TRAT1: variants seen among roughly 807,000 people sequenced by gnomAD.
TRAT1 encodes T-cell receptor-associated transmembrane adapter 1.
TRAT1 carries 20 observed loss-of-function variants against 20.0 expected under a neutral mutation model. That is an observed-to-expected ratio of 1.00 (90% CI 0.70 to 1.45). The LOEUF is 1.45. TRAT1 is among the 40% of genes most tolerant of loss of function. The pLI is 0.00. For missense variants in TRAT1, 237 were observed against 224.1 expected, an observed-to-expected ratio of 1.06 and a Z score of -0.37; for synonymous variants, 77 against 74.2, an observed-to-expected ratio of 1.04 and a Z score of -0.20.
intron 3 of TRAT1, among the ~76,000 whole-genome samples, chr3:108,840,212 A>G (rs980919213): frequency 4.6e-5 from 7 of 152,176 alleles, no homozygotes; most frequent in Non-Finnish European, 1.0e-4. Flanking sequence ...GACTACTCTT[A>G]ACATTGAATT....
At chr3:108,838,403 T>C (rs565406970) in intron 2 of TRAT1, among the ~76,000 whole-genome samples, 13 of 148,872 alleles carry the variant, frequency 8.7e-5, no homozygotes, top group Middle Eastern at 3.5e-3. Flanking sequence ...GATAGATAGA[T>C]AGAGATTGAT....
chr3:108,827,048 T>C (rs1945746339), intron 1 of TRAT1, among the ~76,000 whole-genome samples: 1 of 152,180 alleles, frequency 6.6e-6, no homozygotes, highest in South Asian at 2.1e-4. Context: ...CCCTGGTAGT[T>C]GGAAGCTGGA....
chr3:108,850,481 T>C (rs2107516307), intron 5 of TRAT1, among the ~76,000 whole-genome samples: 1 of 152,132 alleles, frequency 6.6e-6, no homozygotes, highest in South Asian at 2.1e-4. Flanking sequence ...ATTTTTGTAT[T>C]TTTAGTAGAG....
intron 3 of TRAT1, among the ~76,000 whole-genome samples, chr3:108,844,588 T>C (rs983483381): frequency 2.0e-5 from 3 of 151,678 alleles, no homozygotes; most frequent in Admixed American, 2.0e-4. Flanking sequence ...CTCACGCCTA[T>C]AATCCCAGCA....
rs984536079 is a variant in TRAT1, at chr3:108,854,147, A to G, written c.*270A>G. ...CACCTCGGCAGCACATATACTAAAAATTAATAAGACCCAGCTTGAAAATTG... is the reference window on the plus strand; with the variant it reads ...CACCTCGGCAGCACATATACTAAAAGTTAATAAGACCCAGCTTGAAAATTG... On this transcript the variant is annotated 3_prime_UTR_variant, in exon 6 of 6. Transcript: ENST00000295756. The G allele has an allele frequency of 1.7e-4, 50 of 298,782 alleles. 1 individual carries two copies. The South Asian group carries it at 2.9e-3, about 18-fold the overall frequency. 18.5% of individuals were successfully genotyped at this position (298,782 alleles called of 1,614,324 possible).
chr3:108,836,571 A>G (rs917154136), intron 2 of TRAT1, among the ~76,000 whole-genome samples: 4 of 152,228 alleles, frequency 2.6e-5, no homozygotes, highest in Non-Finnish European at 5.9e-5. Flanking sequence ...GTTTTCAACT[A>G]ACTCGTTCAT....
At chr3:108,851,045 T>G (rs1401850187) in intron 5 of TRAT1, among the ~76,000 whole-genome samples, 1 of 152,236 alleles carries the variant, frequency 6.6e-6, no homozygotes, top group African/African-American at 2.4e-5. Flanking sequence ...AAATTTAGTT[T>G]CACAAATTAG....
chr3:108,849,324 T>A, intron 5 of TRAT1, 70 bp downstream of exon 5: 1 of 1,296,162 alleles, frequency 7.7e-7, no homozygotes. Flanking sequence ...ATGATACACA[T>A]CTGAAATAGC....
chr3:108,838,813 G>C (rs947042271), intron 2 of TRAT1, 121 bp from the exon 3 acceptor site: 2 of 781,974 alleles, frequency 2.6e-6, no homozygotes, highest in Non-Finnish European at 4.5e-6. Context: ...GGTGCCCTGA[G>C]AGCCTTGGTC....
chr3:108,853,617 T>C lies in TRAT1; in HGVS notation c.304-3T>C. 3 of 1,610,644 alleles carry C rather than the reference T, an allele frequency of 1.9e-6. No individual in the cohort carries two copies. Among genetic ancestry groups the C allele is most frequent in the Non-Finnish European group, 2.5e-6 (3 of 1,177,818 alleles). On this transcript the variant is annotated splice_polypyrimidine_tract_variant and splice_region_variant and intron_variant, in intron 5 of 5. Coordinates refer to ENST00000295756, the MANE Select transcript of TRAT1 (RefSeq NM_016388.4). ...ATGAAAAATTAACATCCCTTTCTTT[T>C]AGGCAACCAATGAAACACAGATGTG...
chr3:108,854,505 T>C lies in TRAT1; in HGVS notation c.*628T>C, dbSNP rs966159980. 1.3e-5 allele frequency: 2 copies of C among 152,122 alleles called. No individual in the cohort carries two copies. The highest frequency in any genetic ancestry group is 2.9e-5 in the Non-Finnish European group (2 of 68,012). 9.4% of individuals were successfully genotyped at this position (152,122 alleles called of 1,614,324 possible). A position where few individuals can be genotyped will look rare whatever the true frequency, so the allele number is the denominator to read the frequency against. ...ATCAAAAAGAGTTTAGGAATTCTAC[T>C]AGCCAGAGATAGTCACTTGGAGAAA... On this transcript the variant is annotated 3_prime_UTR_variant, in exon 6 of 6. Coordinates refer to ENST00000295756, the MANE Select transcript of TRAT1 (RefSeq NM_016388.4).
At chr3:108,823,873 TTTTG>T (rs1356116596) in intron 1 of TRAT1, among the ~76,000 whole-genome samples, 1 of 152,120 alleles carries the variant, frequency 6.6e-6, no homozygotes, top group African/African-American at 2.4e-5. Flanking sequence ...ATACAGTTTT[TTTTG>T]TTTGTTTTTT....
rs1450174689 is a variant in TRAT1, at chr3:108,853,812, A to G, written c.496A>G (p.Asn166Asp). Reference sequence around the variant, plus strand: ...CCCAGAAAGCCAGGCAGTAGAGGAAAACATTCATGATGATCCCATCAGACT... The same window carrying G: ...CCCAGAAAGCCAGGCAGTAGAGGAAGACATTCATGATGATCCCATCAGACT... ...FSPESQAVEE[N>D]IHDDPIRLFG... The change falls in exon 6 of 6, where the codon AAC (asparagine) becomes GAC (aspartate). Residue 166 changes from asparagine (N) to aspartate (D), a missense_variant. Transcript: ENST00000295756. The G allele has an allele frequency of 6.2e-7, 1 of 1,614,154 alleles. No individual in the cohort carries two copies. Among genetic ancestry groups the G allele is most frequent in the South Asian group, 1.1e-5 (1 of 91,086 alleles).
Position 108,829,000 on chromosome 3 carries a change from C to T in TRAT1, c.8-1670C>T, listed in dbSNP as rs1317321880. Among the ~76,000 whole-genome samples, 6 of 152,168 alleles carry T rather than the reference C, an allele frequency of 3.9e-5. No homozygotes were observed. The East Asian group carries it at 1.2e-3, about 29-fold the overall frequency. ...AATCTTTCTGAAATCAACTTCTCAT[C>T]CCTTCAGCATCTGATGAGTGAATGA... is the stretch of plus-strand genomic sequence containing the variant. On this transcript the variant is annotated intron_variant, in intron 1 of 5. Coordinates refer to ENST00000295756, the MANE Select transcript of TRAT1 (RefSeq NM_016388.4).
chr3:108,841,429 A>G (rs1221082686), intron 3 of TRAT1, among the ~76,000 whole-genome samples: 1 of 152,194 alleles, frequency 6.6e-6, no homozygotes, highest in Non-Finnish European at 1.5e-5. Flanking sequence ...CAAACAAACC[A>G]GTAAGCGAAC....
In TRAT1 at chr3:108,838,967, G is replaced by C; in HGVS notation, c.152G>C (p.Arg51Thr). 6.2e-7 allele frequency: 1 copy of C among 1,603,420 alleles called. No individual in the cohort carries two copies. The highest frequency in any genetic ancestry group is 8.5e-7 in the Non-Finnish European group (1 of 1,170,354). Residue 51 changes from arginine (R) to threonine (T), a missense_variant and splice_region_variant, in exon 3 of 6, where the codon AGG becomes ACG. Coordinates refer to ENST00000295756, the MANE Select transcript of TRAT1 (RefSeq NM_016388.4). Reference sequence around the variant, plus strand: ...TACAGCTACTCCAGTGACCACACCAGGTATGTTGTGATTCAGTCATGGATC... The same window carrying C: ...TACAGCTACTCCAGTGACCACACCACGTATGTTGTGATTCAGTCATGGATC... Reference protein sequence around the residue: ...KMYSYSSDHTRVDEYYIEDTP... With the variant: ...KMYSYSSDHTTVDEYYIEDTP...
intron 1 of TRAT1, among the ~76,000 whole-genome samples, chr3:108,826,515 G>A (rs538255421): frequency 2.5e-4 from 38 of 152,256 alleles, no homozygotes; most frequent in African/African-American, 8.4e-4. Context: ...ATGATGGGTA[G>A]TGGTTGGGAT....
intron 3 of TRAT1, among the ~76,000 whole-genome samples, chr3:108,843,416 G>T (rs899683017): frequency 6.6e-6 from 1 of 152,168 alleles, no homozygotes. Flanking sequence ...TGTAGTCCCA[G>T]CTACTTGGGA....
At chr3:108,841,479 A>C (rs114495074) in intron 3 of TRAT1, among the ~76,000 whole-genome samples, 6,125 of 152,216 alleles carry the variant, frequency 0.04, 154 homozygotes, top group Middle Eastern at 0.1. Context: ...AAACAGGGCA[A>C]GTGAAAATAA....
Sources: allele counts gnomAD v4.1 joint callset (sites outside exome capture counted in the v4.1 genomes callset), GRCh38; gene constraint gnomAD v4.1.1; transcripts MANE v1.5; gene names NCBI Gene and HGNC (gene_info 2026-07-23, HGNC 2026-07-21).